DHRS7B: variants seen among roughly 807,000 people sequenced by gnomAD.
The protein encoded by DHRS7B is peroxisomal reductase activating PPAR-gamma.
Under a neutral mutation model 26.4 loss-of-function variants are expected in DHRS7B, and 24 were observed. The observed-to-expected ratio is 0.91, with a 90% CI of 0.66 to 1.28. DHRS7B has a LOEUF of 1.28. Among genes scored for constraint, DHRS7B ranks in the 50% most tolerant of loss-of-function variants. The pLI is 0.00. For missense variants in DHRS7B, 368 were observed against 419.4 expected, an observed-to-expected ratio of 0.88 and a Z score of 1.07; for synonymous variants, 142 against 166.4, an observed-to-expected ratio of 0.85 and a Z score of 1.13.
At chr17:21,150,921 T>G (rs1006927630) in intron 1 of DHRS7B, among the ~76,000 whole-genome samples, 3 of 152,148 alleles carry the variant, frequency 2.0e-5, no homozygotes, top group Non-Finnish European at 2.9e-5. Flanking sequence ...GATATTAGGA[T>G]TAGAATGTGG....
intron 1 of DHRS7B, among the ~76,000 whole-genome samples, chr17:21,161,374 TA>T (rs1199438629): frequency 6.6e-6 from 1 of 152,026 alleles, no homozygotes; most frequent in Non-Finnish European, 1.5e-5. Context: ...ATTTTATTAA[TA>T]AAAAAATGGC....
chr17:21,177,685 G>A (rs746616268), intron 2 of DHRS7B, among the ~76,000 whole-genome samples: 18 of 152,186 alleles, frequency 1.2e-4, no homozygotes, highest in Non-Finnish European at 2.6e-4. Context: ...TCTGCCTGTG[G>A]CCCTTCAGGC....
chr17:21,140,995 G>C (rs60602489), intron 1 of DHRS7B, among the ~76,000 whole-genome samples: 2,967 of 152,222 alleles, frequency 0.019, 116 homozygotes, highest in African/African-American at 0.068. Context: ...CAGTATGTCA[G>C]CACTGAGTCG....
chr17:21,164,029 G>GTTTTTTTTTTTTTT (rs1476090515), intron 1 of DHRS7B, among the ~76,000 whole-genome samples: 30 of 43,742 alleles, frequency 6.9e-4, no homozygotes, highest in Non-Finnish European at 8.3e-4. Flanking sequence ...CAATTGTTGT[G>GTTTTTTTTTTTTTT]CTTTTTTTTT....
At chr17:21,157,432 A>G (rs1389736785) in intron 1 of DHRS7B, among the ~76,000 whole-genome samples, 2 of 152,186 alleles carry the variant, frequency 1.3e-5, no homozygotes, top group Non-Finnish European at 2.9e-5. Flanking sequence ...CACAGTGCTC[A>G]TGCTTGTAAT....
At chr17:21,166,655 A>G (rs1385487350) in intron 1 of DHRS7B, among the ~76,000 whole-genome samples, 1 of 152,178 alleles carries the variant, frequency 6.6e-6, no homozygotes, top group Non-Finnish European at 1.5e-5. Flanking sequence ...GTCACCTTAA[A>G]TAGAGCAGCT....
In DHRS7B at chr17:21,142,949, G is replaced by A. The variant is rs114352863; in HGVS notation, c.20+15958G>A. ...GGTTTTGTTTGTATGTTTGTTTTGAGGTGGCGTCTTGCTATGTTGCCCAGA... is the reference window on the plus strand; with the variant it reads ...GGTTTTGTTTGTATGTTTGTTTTGAAGTGGCGTCTTGCTATGTTGCCCAGA... On this transcript the variant is annotated intron_variant, in intron 1 of 6. Transcript: ENST00000395511. Among the ~76,000 whole-genome samples the A allele has an allele frequency of 6.4e-3, 972 of 152,256 alleles. 9 individuals carry two copies. Among genetic ancestry groups the A allele is most frequent in the African/African-American group, 0.021 (862 of 41,536 alleles).
chr17:21,160,175 G>A (rs1234212570), intron 1 of DHRS7B, among the ~76,000 whole-genome samples: 1 of 152,030 alleles, frequency 6.6e-6, no homozygotes, highest in East Asian at 1.9e-4. Flanking sequence ...CCAACATGGT[G>A]AAACCCCGTC....
At chr17:21,165,215 TCAC>T (rs1307203256) in intron 1 of DHRS7B, among the ~76,000 whole-genome samples, 7 of 151,982 alleles carry the variant, frequency 4.6e-5, no homozygotes, top group Non-Finnish European at 8.8e-5. Context: ...TTTCTCTTCT[TCAC>T]CACCACAGTC....
chr17:21,190,903 C>T, intron 6 of DHRS7B, 45 bp from the exon 7 acceptor site: 6 of 1,603,916 alleles, frequency 3.7e-6, no homozygotes, highest in Non-Finnish European at 5.1e-6. Flanking sequence ...CAAGAGGGAC[C>T]TCTGCTTCCA....
intron 1 of DHRS7B, among the ~76,000 whole-genome samples, chr17:21,164,810 G>T (rs943470859): frequency 1.4e-4 from 21 of 152,186 alleles, no homozygotes; most frequent in Non-Finnish European, 2.4e-4. Flanking sequence ...GGTACCAGAG[G>T]GCACTTGAGA....
intron 3 of DHRS7B, among the ~76,000 whole-genome samples, chr17:21,181,292 C>A (rs1019726668): frequency 2.0e-5 from 3 of 152,108 alleles, no homozygotes; most frequent in African/African-American, 7.2e-5. Context: ...TGCTATGTTA[C>A]CCAGGCTGAT....
intron 1 of DHRS7B, among the ~76,000 whole-genome samples, chr17:21,163,836 G>A (rs536393006): frequency 1.8e-4 from 28 of 151,954 alleles, no homozygotes; most frequent in Non-Finnish European, 3.5e-4. Context: ...CCACAGACAT[G>A]TGCCAGTATG....
At chr17:21,127,381 A>T (rs981908811) in intron 1 of DHRS7B, 8 of 212,254 alleles carry the variant, frequency 3.8e-5, no homozygotes, top group African/African-American at 1.8e-4. Context: ...TGCGAGTGGC[A>T]GGACCGAGGG....
chr17:21,178,088 A>C, intron 2 of DHRS7B, 145 bp from the exon 3 acceptor site: 1 of 742,066 alleles, frequency 1.3e-6, no homozygotes, highest in Non-Finnish European at 2.2e-6. Context: ...ATTGGGCCCT[A>C]GCTCCCAGCT....
chr17:21,172,118 C>T lies in DHRS7B; in HGVS notation c.121C>T (p.Leu41=), dbSNP rs776105770. Residue 41 remains leucine (L), a synonymous_variant, in exon 2 of 7, where the codon CTG becomes TTG. Transcript: ENST00000395511. ...CLGVFGLFRL[L]QWVRGKAYLR... ...GGGCGTCTTCGGCCTCTTCCGGCTGCTGCAGTGGGTGCGCGGGAAGGCCTA... is the reference window on the plus strand; with the variant it reads ...GGGCGTCTTCGGCCTCTTCCGGCTGTTGCAGTGGGTGCGCGGGAAGGCCTA... 12 of 1,614,188 alleles carry T rather than the reference C, an allele frequency of 7.4e-6. No individual in the cohort carries two copies. In the South Asian group the frequency reaches 1.2e-4, roughly 16 times the overall value.
intron 1 of DHRS7B, among the ~76,000 whole-genome samples, chr17:21,147,033 G>A (rs1184047097): frequency 1.3e-5 from 2 of 152,166 alleles, no homozygotes; most frequent in Non-Finnish European, 2.9e-5. Flanking sequence ...ATTTGGATAG[G>A]ATTATTTCAG....
At chr17:21,189,485 T>C (rs1000502031) in intron 6 of DHRS7B, among the ~76,000 whole-genome samples, 2 of 152,176 alleles carry the variant, frequency 1.3e-5, no homozygotes, top group Non-Finnish European at 2.9e-5. Context: ...TGCCTCCCCA[T>C]GCTTGGAACA....
In DHRS7B at chr17:21,140,022, C is replaced by CTTTTTTTTTTT. The variant is rs201900387; in HGVS notation, c.20+13041_20+13051dup. Among the ~76,000 whole-genome samples the CTTTTTTTTTTT allele has an allele frequency of 3.2e-3, 344 of 106,632 alleles. 18 individuals are homozygous for CTTTTTTTTTTT. Among genetic ancestry groups the CTTTTTTTTTTT allele is most frequent in the Middle Eastern group, 5.6e-3 (1 of 180 alleles). 70.0% of individuals were successfully genotyped at this position (106,632 alleles called of 152,430 possible). ...TTTTTTCCTATCAGACTTTCAGATT[C>CTTTTTTTTTTT]TTTTTTTTTTTTTTTTTTTTGAGAC... On this transcript the variant is annotated intron_variant, in intron 1 of 6. Coordinates refer to ENST00000395511, the MANE Select transcript of DHRS7B (RefSeq NM_015510.5).
Sources: gnomAD v4.1 joint callset for allele counts (sites outside exome capture counted in the v4.1 genomes callset) on GRCh38, gnomAD v4.1.1 for gene constraint, MANE v1.5 for transcripts, NCBI Gene and HGNC (gene_info 2026-07-23, HGNC 2026-07-21) for gene names.